The following CSMD1 variants were observed in gnomAD, a reference collection of about 807,000 sequenced individuals.
The protein encoded by CSMD1 is CUB and Sushi multiple domains 1.
A neutral mutation model predicts 417.5 loss-of-function variants in CSMD1; 213 were observed. That is an observed-to-expected ratio of 0.51 (90% CI 0.46 to 0.57). The LOEUF is 0.57. Among genes scored for constraint, CSMD1 ranks in the 20% least tolerant of loss-of-function variants. The pLI is 0.00. For missense variants in CSMD1, 6,923 were observed against 4,529.7 expected (o/e 1.53, Z -15.17); for synonymous variants, 2,862 against 1,736.8 (o/e 1.65, Z -16.11).
At chr8:3,756,938 T>C (rs1178987982) in intron 5 of CSMD1, among the ~76,000 whole-genome samples, 1 of 152,132 alleles carries the variant, frequency 6.6e-6, no homozygotes, top group African/African-American at 2.4e-5. Context: ...TAGAGCTATA[T>C]GTGCACACCA....
intron 2 of CSMD1, among the ~76,000 whole-genome samples, chr8:4,633,393 C>T (rs534839269): frequency 2.0e-5 from 3 of 151,690 alleles, no homozygotes; most frequent in Non-Finnish European, 1.5e-5. Context: ...ACTACAGGCG[C>T]CCACCACCAC....
chr8:4,176,019 T>C (rs554433997), intron 3 of CSMD1, among the ~76,000 whole-genome samples: 2 of 152,232 alleles, frequency 1.3e-5, no homozygotes, highest in Admixed American at 6.5e-5. Flanking sequence ...CTTCTCGCCA[T>C]AGCCATTTCA....
At chr8:3,477,171 T>A (rs1817482089) in intron 11 of CSMD1, among the ~76,000 whole-genome samples, 1 of 152,166 alleles carries the variant, frequency 6.6e-6, no homozygotes, top group African/African-American at 2.4e-5. Flanking sequence ...CACGAAGCTG[T>A]CAAAATACAA....
At chr8:4,070,994 G>C (rs1342064701) in intron 3 of CSMD1, among the ~76,000 whole-genome samples, 2 of 152,096 alleles carry the variant, frequency 1.3e-5, no homozygotes, top group African/African-American at 4.8e-5. Flanking sequence ...TGTATGTAAT[G>C]CGTCCATTTT....
At chr8:4,626,162 A>C (rs1462135411) in intron 2 of CSMD1, among the ~76,000 whole-genome samples, 2 of 152,148 alleles carry the variant, frequency 1.3e-5, no homozygotes, top group African/African-American at 4.8e-5. Context: ...TATTTTAGGA[A>C]GTTTTCAGCA....
chr8:3,127,016 C>A (rs1817546021), intron 41 of CSMD1, among the ~76,000 whole-genome samples: 1 of 152,174 alleles, frequency 6.6e-6, no homozygotes, highest in Non-Finnish European at 1.5e-5. Flanking sequence ...GAGAGTGTTG[C>A]TTTTGCTTTC....
chr8:3,664,201 G>C (rs1798564222), intron 7 of CSMD1, among the ~76,000 whole-genome samples: 1 of 152,040 alleles, frequency 6.6e-6, no homozygotes, highest in African/African-American at 2.4e-5. Context: ...CCCCACTACA[G>C]GCCCCTGTGT....
intron 3 of CSMD1, among the ~76,000 whole-genome samples, chr8:4,399,140 G>A (rs1387134059): frequency 6.6e-6 from 1 of 152,136 alleles, no homozygotes; most frequent in Non-Finnish European, 1.5e-5. Flanking sequence ...TGGGAATAAT[G>A]ATAAAACTTT....
chr8:3,885,834 TG>T (rs1806525984), intron 5 of CSMD1, among the ~76,000 whole-genome samples: 1 of 152,176 alleles, frequency 6.6e-6, no homozygotes, highest in South Asian at 2.1e-4. Context: ...GTGTCTGACC[TG>T]GCAAACGTCT....
At chr8:4,977,979 C>T (rs914623102) in intron 1 of CSMD1, among the ~76,000 whole-genome samples, 2 of 152,146 alleles carry the variant, frequency 1.3e-5, no homozygotes, top group South Asian at 2.1e-4. Flanking sequence ...GCTGTATTTA[C>T]GAGGTTTCCC....
intron 10 of CSMD1, among the ~76,000 whole-genome samples, chr8:3,508,253 A>C (rs1001210788): frequency 6.6e-6 from 1 of 151,780 alleles, no homozygotes; most frequent in Non-Finnish European, 1.5e-5. Flanking sequence ...TGTCTGTGAC[A>C]GATGATGCAA....
At position 4,994,813 on chromosome 8, in the gene CSMD1, G is replaced by A. The variant is rs1372586332; in HGVS notation, c.-397C>T. 2.6e-5 allele frequency: 4 copies of A among 153,692 alleles called. No homozygotes were observed. The highest frequency in any genetic ancestry group is 7.4e-5 in the Admixed American group (1 of 13,604). 9.5% of individuals were successfully genotyped at this position (153,692 alleles called of 1,614,324 possible). A position where few individuals can be genotyped will look rare whatever the true frequency, so the allele number is the denominator to read the frequency against. On this transcript the variant is annotated 5_prime_UTR_variant, in exon 1 of 70. Coordinates refer to ENST00000635120, the MANE Select transcript of CSMD1 (RefSeq NM_033225.6). ...GAGAGAGCCAGCGAGTGGGAGATGC[G>A]GGGAGGGGGGCGCGGGGGGGAGGAG...
chr8:3,838,993 T>C (rs1269809895), intron 5 of CSMD1, among the ~76,000 whole-genome samples: 5 of 126,340 alleles, frequency 4.0e-5, no homozygotes, highest in African/African-American at 1.2e-4. Context: ...ATATATCATA[T>C]AATTATAATA....
intron 10 of CSMD1, among the ~76,000 whole-genome samples, chr8:3,538,398 G>C (rs1023481428): frequency 3.9e-5 from 6 of 152,246 alleles, no homozygotes; most frequent in Admixed American, 1.3e-4. Context: ...TGGTGCACCT[G>C]AGATGCCTCA....
At chr8:3,355,750 C>G (rs962447985) in intron 21 of CSMD1, among the ~76,000 whole-genome samples, 69 of 152,244 alleles carry the variant, frequency 4.5e-4, no homozygotes, top group African/African-American at 1.6e-3. Context: ...GAAGATGTCC[C>G]TAGGTATGGA....
intron 8 of CSMD1, among the ~76,000 whole-genome samples, chr8:3,609,767 T>C (rs1801797659): frequency 6.8e-6 from 1 of 146,766 alleles, no homozygotes; most frequent in South Asian, 2.2e-4. Context: ...TTACCTTTCA[T>C]TAAAGAGAGT....
At chr8:3,892,015 T>G (rs139116210) in intron 5 of CSMD1, among the ~76,000 whole-genome samples, 1 of 107,456 alleles carries the variant, frequency 9.3e-6, no homozygotes. Flanking sequence ...ACCAACATGA[T>G]AGTCGCAAAC....
intron 5 of CSMD1, among the ~76,000 whole-genome samples, chr8:3,950,529 C>G (rs547588462): frequency 2.0e-5 from 3 of 152,364 alleles, no homozygotes; most frequent in Admixed American, 6.5e-5. Context: ...TGCCAGTTTT[C>G]TCAGCATGAC....
intron 2 of CSMD1, among the ~76,000 whole-genome samples, chr8:4,464,423 A>G (rs1006342404): frequency 2.6e-5 from 4 of 152,184 alleles, no homozygotes; most frequent in Non-Finnish European, 5.9e-5. Flanking sequence ...AGCCTTGCCT[A>G]CCTTAAACAC....
Sources: gnomAD v4.1 joint callset for allele counts (sites outside exome capture counted in the v4.1 genomes callset) on GRCh38, gnomAD v4.1.1 for gene constraint, MANE v1.5 for transcripts, NCBI Gene and HGNC (gene_info 2026-07-23, HGNC 2026-07-21) for gene names.